ATXN1: variants seen among roughly 807,000 people sequenced by gnomAD.
The protein encoded by ATXN1 is ataxin-1.
A neutral mutation model predicts 56.4 loss-of-function variants in ATXN1; 8 were observed. The ratio of observed to expected loss-of-function variants is 0.14; its 90% CI spans 0.08 to 0.26. The LOEUF is 0.26. Ranked by LOEUF, ATXN1 falls within the 10% of genes least tolerant of loss-of-function variation. The probability of loss-of-function intolerance (pLI) is 1.00; values close to 1 mark genes in which losing one functional copy is unlikely to be tolerated. For missense variants in ATXN1, 987 were observed against 1,106.5 expected, an observed-to-expected ratio of 0.89 and a Z score of 1.53; for synonymous variants, 514 against 494.6, an observed-to-expected ratio of 1.04 and a Z score of -0.52.
chr6:16,734,361 G>A (rs773119167), intron 2 of ATXN1, among the ~76,000 whole-genome samples: 1 of 152,092 alleles, frequency 6.6e-6, no homozygotes, highest in Non-Finnish European at 1.5e-5. Context: ...GGTTTGTTCT[G>A]ACCCAGTTCT....
chr6:16,400,008 C>A (rs964273725), intron 6 of ATXN1, among the ~76,000 whole-genome samples: 1 of 152,170 alleles, frequency 6.6e-6, no homozygotes, highest in Admixed American at 6.5e-5. Flanking sequence ...GCATCAGCAT[C>A]ACTAGGGAGC....
intron 3 of ATXN1, among the ~76,000 whole-genome samples, chr6:16,643,046 G>A (rs566647220): frequency 6.6e-6 from 1 of 152,192 alleles, no homozygotes; most frequent in Admixed American, 6.5e-5. Context: ...GAGGTGGGTG[G>A]ATCACCTGGG....
intron 2 of ATXN1, among the ~76,000 whole-genome samples, chr6:16,719,508 G>A (rs928593620): frequency 3.9e-5 from 6 of 152,152 alleles, no homozygotes; most frequent in South Asian, 2.1e-4. Context: ...AGAAAAACCC[G>A]ACAGCGAATC....
intron 6 of ATXN1, among the ~76,000 whole-genome samples, chr6:16,439,372 GCGGGGCGGGA>G (rs1759463755): frequency 3.5e-5 from 1 of 28,414 alleles, no homozygotes. Flanking sequence ...GGGGCCGGGG[GCGGGGCGGGA>G]ATAAGGGTTG....
intron 2 of ATXN1, among the ~76,000 whole-genome samples, chr6:16,735,885 T>C (rs1760112098): frequency 6.6e-6 from 1 of 152,204 alleles, no homozygotes; most frequent in Admixed American, 6.5e-5. Context: ...TAATCAAAGA[T>C]TAATCTGTTT....
In ATXN1 at chr6:16,606,867, T is replaced by TGTGTGTGTGTGTGTGTGTG. The variant is rs1554119511; in HGVS notation, c.-488-20961_-488-20960insCACACACACACACACACAC. Among the ~76,000 whole-genome samples the TGTGTGTGTGTGTGTGTGTG allele has an allele frequency of 3.8e-3, 481 of 126,806 alleles. 2 individuals are homozygous for TGTGTGTGTGTGTGTGTGTG. The highest frequency in any genetic ancestry group is 0.013 in the African/African-American group (456 of 34,626). The allele number at this position is 126,806 out of a possible 152,430, so 83.2% of individuals were successfully genotyped here. A position where few individuals can be genotyped will look rare whatever the true frequency, so the allele number is the denominator to read the frequency against. On this transcript the variant is annotated intron_variant, in intron 3 of 7. Coordinates refer to ENST00000436367, the MANE Select transcript of ATXN1 (RefSeq NM_001128164.2). ...GGGGGAAAGTATACAGTTCCATGAG[T>TGTGTGTGTGTGTGTGTGTG]TGTGTGTGTGTGTGTGTGTGTTGTT...
intron 1 of ATXN1, among the ~76,000 whole-genome samples, chr6:16,759,969 C>A (rs1363415735): frequency 1.3e-5 from 2 of 152,090 alleles, no homozygotes; most frequent in East Asian, 3.9e-4. Flanking sequence ...GGCCCTCGCC[C>A]CCCGCCCGGC....
intron 4 of ATXN1, among the ~76,000 whole-genome samples, chr6:16,571,675 TAA>T (rs1200452673): frequency 6.6e-6 from 1 of 151,638 alleles, no homozygotes; most frequent in East Asian, 1.9e-4. Flanking sequence ...AAAAAAAACT[TAA>T]AGAGACAAAG....
At chr6:16,673,032 A>AAAAG (rs1554124788) in intron 2 of ATXN1, among the ~76,000 whole-genome samples, 18 of 151,410 alleles carry the variant, frequency 1.2e-4, no homozygotes, top group Non-Finnish European at 4.4e-5. Context: ...AAAAAAAAAA[A>AAAAG]AAAAGAAAAG....
chr6:16,467,532 C>G (rs760385125), intron 6 of ATXN1, among the ~76,000 whole-genome samples: 1 of 152,148 alleles, frequency 6.6e-6, no homozygotes, highest in Non-Finnish European at 1.5e-5. Flanking sequence ...TAGAAGAACA[C>G]GCATCCCAGT....
chr6:16,583,077 G>C (rs1367636998), intron 4 of ATXN1, among the ~76,000 whole-genome samples: 2 of 152,152 alleles, frequency 1.3e-5, no homozygotes, highest in East Asian at 3.8e-4. Flanking sequence ...ATAAATCCAA[G>C]TTTTGTTTTC....
At chr6:16,481,279 A>G (rs899938713) in intron 6 of ATXN1, among the ~76,000 whole-genome samples, 2 of 150,114 alleles carry the variant, frequency 1.3e-5, no homozygotes, top group African/African-American at 4.9e-5. Flanking sequence ...TCTACTTCAG[A>G]TTTTTTTTTT....
chr6:16,440,362 A>G (rs1331946147), intron 6 of ATXN1, among the ~76,000 whole-genome samples: 1 of 152,064 alleles, frequency 6.6e-6, no homozygotes, highest in Admixed American at 6.6e-5. Flanking sequence ...CCCAATAAAA[A>G]CATTCAGAAA....
chr6:16,563,682 G>C (rs1483319453), intron 4 of ATXN1, among the ~76,000 whole-genome samples: 4 of 152,134 alleles, frequency 2.6e-5, no homozygotes, highest in African/African-American at 9.7e-5. Flanking sequence ...CAGGTCCGGG[G>C]TGTGGCAGTA....
Position 16,301,044 on chromosome 6 carries a change from TTC to T in ATXN1, c.*5283_*5284del, listed in dbSNP as rs1760078357. ...ATCTGATCATTTAGACATGACAAATTTCTATATACAAAAAAACATGTAACTTT... is the reference window on the plus strand; with the variant it reads ...ATCTGATCATTTAGACATGACAAATTTATATACAAAAAAACATGTAACTTT... On this transcript the variant is annotated 3_prime_UTR_variant, in exon 8 of 8. Coordinates refer to ENST00000436367, the MANE Select transcript of ATXN1 (RefSeq NM_001128164.2). The T allele has an allele frequency of 6.6e-6, 1 of 151,870 alleles. No individual in the cohort carries two copies. The highest frequency in any genetic ancestry group is 2.4e-5 in the African/African-American group (1 of 41,242). 9.4% of individuals were successfully genotyped at this position (151,870 alleles called of 1,614,324 possible).
At chr6:16,578,892 T>C (rs1426028298) in intron 4 of ATXN1, among the ~76,000 whole-genome samples, 1 of 152,238 alleles carries the variant, frequency 6.6e-6, no homozygotes, top group Non-Finnish European at 1.5e-5. Flanking sequence ...CCGCATTGTC[T>C]AAACAGGACA....
chr6:16,392,952 T>TG (rs1220547475), intron 6 of ATXN1, among the ~76,000 whole-genome samples: 5 of 152,232 alleles, frequency 3.3e-5, no homozygotes, highest in Non-Finnish European at 2.9e-5. Flanking sequence ...GCAATGCCCA[T>TG]GCACTTGAAA....
chr6:16,400,465 T>C (rs759713359), intron 6 of ATXN1, among the ~76,000 whole-genome samples: 3 of 152,064 alleles, frequency 2.0e-5, no homozygotes, highest in Non-Finnish European at 2.9e-5. Flanking sequence ...CTTCCATTTA[T>C]TGTTGCAAGG....
intron 4 of ATXN1, among the ~76,000 whole-genome samples, chr6:16,578,518 G>A (rs540229105): frequency 1.3e-5 from 2 of 152,130 alleles, no homozygotes; most frequent in Non-Finnish European, 2.9e-5. Context: ...CAAGATCCTG[G>A]AATTAAACAG....
Sources: allele counts gnomAD v4.1 joint callset (sites outside exome capture counted in the v4.1 genomes callset), GRCh38; gene constraint gnomAD v4.1.1; transcripts MANE v1.5; gene names NCBI Gene and HGNC (gene_info 2026-07-23, HGNC 2026-07-21).